Variants in CLN6 observed in about 807,000 individuals in gnomAD.
CLN6 encodes CLN6 transmembrane ER protein.
CLN6 carries 22 observed loss-of-function variants against 33.3 expected under a neutral mutation model. The ratio of observed to expected loss-of-function variants is 0.66; its 90% CI spans 0.47 to 0.94. The LOEUF (loss-of-function observed/expected upper bound fraction) is 0.94. CLN6 is among the 40% of genes least tolerant of loss of function. The pLI, the probability that CLN6 is intolerant of heterozygous loss-of-function variation, is 0.00. For synonymous variants in CLN6, 201 were observed against 174.6 expected, an observed-to-expected ratio of 1.15 and a Z score of -1.19; for missense variants, 387 against 417.1, an observed-to-expected ratio of 0.93 and a Z score of 0.63.
chr15:68,216,959 G>A (rs941193228), intron 2 of CLN6, among the ~76,000 whole-genome samples: 1 of 152,200 alleles, frequency 6.6e-6, no homozygotes, highest in African/African-American at 2.4e-5. Context: ...TTGACCTCGA[G>A]CCAGTTACTT....
chr15:68,212,436 C>T (rs1156398137), intron 3 of CLN6: 2 of 155,346 alleles, frequency 1.3e-5, no homozygotes, highest in African/African-American at 4.8e-5. Context: ...AATGGTGATA[C>T]AGGCTGAGCA....
upstream of CLN6, among the ~76,000 whole-genome samples, chr15:68,230,237 G>T (rs1184294157): frequency 2.0e-5 from 3 of 152,134 alleles, no homozygotes; most frequent in African/African-American, 7.2e-5. The surrounding 1 kb of genome is among the most constrained non-coding windows in gnomAD (Gnocchi z 4.0). Context: ...TGGATGTGGG[G>T]GGTGAGGGGA....
chr15:68,235,209 G>C (rs1892207040), intron 1 of CLN6, among the ~76,000 whole-genome samples: 2 of 152,078 alleles, frequency 1.3e-5, no homozygotes, highest in African/African-American at 4.8e-5. Flanking sequence ...AAGAAGCTGA[G>C]TCATCTACCC....
At position 68,210,710 on chromosome 15, in the gene CLN6, G is replaced by T. The variant is rs564504669; in HGVS notation, c.542+553C>A. On this transcript the variant is annotated intron_variant, in intron 5 of 6. Transcript: ENST00000249806. The surrounding 1 kb of genome is among the most constrained non-coding windows in gnomAD (Gnocchi z 5.6). The stretch of plus-strand genomic sequence containing the variant: ...AGACCACATTTCTGAGGTCTCCCCC[G>T]ACTGAGGGACGGGGTAGGTAGGAAA... Among the ~76,000 whole-genome samples the T allele has an allele frequency of 8.3e-4, 126 of 152,258 alleles. No homozygotes were observed. Among genetic ancestry groups the T allele is most frequent in the African/African-American group, 3.0e-3 (123 of 41,552 alleles).
At chr15:68,243,064 T>C (rs1194263942) in intron 1 of CLN6, among the ~76,000 whole-genome samples, 1 of 152,226 alleles carries the variant, frequency 6.6e-6, no homozygotes, top group Non-Finnish European at 1.5e-5. Flanking sequence ...CGTAAAAGAC[T>C]GTAAGAAGTC....
intron 1 of CLN6, among the ~76,000 whole-genome samples, chr15:68,253,690 T>C (rs997718314): frequency 1.3e-5 from 2 of 152,252 alleles, no homozygotes; most frequent in African/African-American, 4.8e-5. Flanking sequence ...GCCAAATAGC[T>C]TGTTCACATG....
intron 2 of CLN6, 155 bp downstream of exon 2, chr15:68,218,381 G>A (rs1425612456): frequency 3.2e-6 from 2 of 633,794 alleles, no homozygotes; most frequent in Non-Finnish European, 5.8e-6. Context: ...GACGGGCCAA[G>A]TCATAGAGCT....
rs142528807 is a variant in CLN6, at chr15:68,241,206, C to T, written c.179+15484G>A. ...CAAGAAAGCCTGGAGACTTCCAGTCCAAAACTGGTGGTGTAGAAGCAAGCT... is the reference window on the plus strand; with the variant it reads ...CAAGAAAGCCTGGAGACTTCCAGTCTAAAACTGGTGGTGTAGAAGCAAGCT... On this transcript the variant is annotated intron_variant, in intron 1 of 6. Transcript: ENST00000538696. The surrounding 1 kb of genome is among the most constrained non-coding windows in gnomAD (Gnocchi z 4.2). Among the ~76,000 whole-genome samples, 6 of 152,104 alleles carry T rather than the reference C, an allele frequency of 3.9e-5. No individual in the cohort carries two copies. The East Asian group carries it at 1.2e-3, about 29-fold the overall frequency.
chr15:68,224,845 GAAAAC>G (rs1224057448), intron 1 of CLN6, among the ~76,000 whole-genome samples: 1 of 152,108 alleles, frequency 6.6e-6, no homozygotes, highest in Non-Finnish European at 1.5e-5. Flanking sequence ...AAATGCTGCT[GAAAAC>G]AATGGTGATG....
chr15:68,244,536 A>G (rs1416136488), intron 1 of CLN6, among the ~76,000 whole-genome samples: 2 of 152,132 alleles, frequency 1.3e-5, no homozygotes, highest in Non-Finnish European at 2.9e-5. Context: ...CCATCCCCAG[A>G]CCCGTCTTAA....
At chr15:68,214,195 G>T in intron 3 of CLN6, 95 bp downstream of exon 3, 2 of 946,504 alleles carry the variant, frequency 2.1e-6, no homozygotes, top group Middle Eastern at 2.1e-4. Flanking sequence ...AGGCAGGAGC[G>T]TGCTTGAGTC....
rs931796446 is a variant in CLN6 at position 68,208,818 on chromosome 15, G to A, written c.666-408C>T. ...GAAGCGCTCCCCTAACGTCTTTCCC[G>A]CTCACTGTAGCTGCCACCCATTCTT... On this transcript the variant is annotated intron_variant, in intron 6 of 6. Transcript: ENST00000249806. This position sits in a 1 kb window ranked among gnomAD's most constrained non-coding sequence, Gnocchi z 5.8. Among the ~76,000 whole-genome samples the A allele has an allele frequency of 1.2e-4, 19 of 152,302 alleles. No individual in the cohort carries two copies. The highest frequency in any genetic ancestry group is 3.8e-4 in the African/African-American group (16 of 41,572).
At chr15:68,230,743 G>A (rs1179639276), upstream of CLN6, among the ~76,000 whole-genome samples, 5 of 152,104 alleles carry the variant, frequency 3.3e-5, no homozygotes, top group Non-Finnish European at 7.4e-5. The surrounding 1 kb of genome is among the most constrained non-coding windows in gnomAD (Gnocchi z 4.0). Context: ...AGCCCGTCTC[G>A]AGACCTGAGG....
rs865972073 is a variant in CLN6 at position 68,229,692 on chromosome 15, C to T, written c.-108G>A. On this transcript the variant is annotated 5_prime_UTR_variant, in exon 1 of 7. Transcript: ENST00000249806. Reference sequence around the variant, plus strand: ...ATTCCCAGCGCGGGGCGGTTCGGGGCGGGCCGGCGAGAGCGCGCGGCCCTC... The same window carrying T: ...ATTCCCAGCGCGGGGCGGTTCGGGGTGGGCCGGCGAGAGCGCGCGGCCCTC... 10 of 907,744 alleles carry T rather than the reference C, an allele frequency of 1.1e-5. No homozygotes were observed. Among genetic ancestry groups the T allele is most frequent in the Non-Finnish European group, 1.5e-5 (10 of 679,424 alleles). The allele number at this position is 907,744 out of a possible 1,614,324, so 56.2% of individuals were successfully genotyped here. A position where few individuals can be genotyped will look rare whatever the true frequency, so the allele number is the denominator to read the frequency against.
At chr15:68,217,613 G>A (rs1379912693) in intron 2 of CLN6, among the ~76,000 whole-genome samples, 1 of 152,292 alleles carries the variant, frequency 6.6e-6, no homozygotes, top group East Asian at 1.9e-4. Flanking sequence ...TTTTACACTT[G>A]AATTTGCTGA....
intron 1 of CLN6, 36 bp downstream of exon 1, chr15:68,229,466 C>T (rs971831282): frequency 7.0e-7 from 1 of 1,432,480 alleles, no homozygotes; most frequent in Non-Finnish European, 9.2e-7. Context: ...AGCGCACAGG[C>T]GCCTAGCCCG....
chr15:68,207,853 G>T lies in CLN6; in HGVS notation c.*287C>A, dbSNP rs148629656. 1 of 471,502 alleles carries T rather than the reference G, an allele frequency of 2.1e-6. No individual in the cohort carries two copies. Among genetic ancestry groups the T allele is most frequent in the African/African-American group, 2.0e-5 (1 of 50,832 alleles). 29.2% of individuals were successfully genotyped at this position (471,502 alleles called of 1,614,324 possible). On this transcript the variant is annotated 3_prime_UTR_variant, in exon 7 of 7. Transcript: ENST00000249806. Reference sequence around the variant, plus strand: ...GTGTGGTCAGGTGCAGAGGAGGGCAGGGGCCCGGATCCTGGCCCAGAAACA... The same window carrying T: ...GTGTGGTCAGGTGCAGAGGAGGGCATGGGCCCGGATCCTGGCCCAGAAACA...
At chr15:68,245,503 T>G (rs1595831144) in intron 1 of CLN6, among the ~76,000 whole-genome samples, 1 of 151,692 alleles carries the variant, frequency 6.6e-6, no homozygotes. Flanking sequence ...GAAGTTGAGG[T>G]TGCAGTGAGC....
rs749492278 is a variant in CLN6 at position 68,246,101 on chromosome 15, C to A, written c.179+10589G>T. On this transcript the variant is annotated intron_variant, in intron 1 of 6. Transcript: ENST00000538696. This position sits in a 1 kb window ranked among gnomAD's most constrained non-coding sequence, Gnocchi z 4.5. ...GAATCAACCTAAAGGCAGAGATAGA[C>A]TGTAATACAATACAGTAGGGGACTT... Among the ~76,000 whole-genome samples, 51 of 152,216 alleles carry A rather than the reference C, an allele frequency of 3.4e-4. No homozygotes were observed. The highest frequency in any genetic ancestry group is 6.5e-4 in the Admixed American group (10 of 15,290).
Sources: allele counts gnomAD v4.1 joint callset (sites outside exome capture counted in the v4.1 genomes callset), GRCh38; gene constraint gnomAD v4.1.1; non-coding constraint Gnocchi (gnomAD v3.1); transcripts MANE v1.5; gene names NCBI Gene and HGNC (gene_info 2026-07-23, HGNC 2026-07-21).